The following FOXN3 variants were observed in gnomAD, a reference collection of about 807,000 sequenced individuals.
The protein encoded by FOXN3 is forkhead box protein N3.
A neutral mutation model predicts 38.4 loss-of-function variants in FOXN3; 7 were observed. That is an observed-to-expected ratio of 0.18 (90% CI 0.10 to 0.34). FOXN3 has a LOEUF of 0.34. Among genes scored for constraint, FOXN3 ranks in the 10% least tolerant of loss-of-function variants. The pLI is 1.00. For synonymous variants in FOXN3, 230 were observed against 242.2 expected (o/e 0.95, Z 0.47); for missense variants, 456 against 613.4 (o/e 0.74, Z 2.71).
intron 1 of FOXN3, among the ~76,000 whole-genome samples, chr14:89,505,281 C>T (rs1257563537): frequency 1.4e-5 from 2 of 141,668 alleles, no homozygotes; most frequent in South Asian, 2.2e-4. Context: ...CTTCTCCCTC[C>T]CCCTCCCCCT....
At chr14:89,557,530 C>T (rs1367672488) in intron 1 of FOXN3, among the ~76,000 whole-genome samples, 1 of 152,144 alleles carries the variant, frequency 6.6e-6, no homozygotes, top group African/African-American at 2.4e-5. Context: ...CAGGAGCTGG[C>T]CCATATCCTG....
At chr14:89,294,832 GCCC>G (rs1886986487) in intron 3 of FOXN3, among the ~76,000 whole-genome samples, 2 of 152,192 alleles carry the variant, frequency 1.3e-5, no homozygotes, top group Admixed American at 1.3e-4. Flanking sequence ...GCAGCCAGCA[GCCC>G]TCCGGACTGC....
At chr14:89,516,180 G>A (rs1479204428) in intron 1 of FOXN3, among the ~76,000 whole-genome samples, 1 of 152,178 alleles carries the variant, frequency 6.6e-6, no homozygotes, top group Non-Finnish European at 1.5e-5. Flanking sequence ...TTTTATTTGT[G>A]CGCAGATACT....
At chr14:89,552,625 G>A (rs771033178) in intron 1 of FOXN3, among the ~76,000 whole-genome samples, 5 of 152,160 alleles carry the variant, frequency 3.3e-5, no homozygotes, top group Non-Finnish European at 7.4e-5. Flanking sequence ...TTGGGAGGCC[G>A]AGGCAGGCAG....
intron 1 of FOXN3, among the ~76,000 whole-genome samples, chr14:89,415,620 A>C (rs1891676008): frequency 6.6e-6 from 1 of 150,408 alleles, no homozygotes; most frequent in African/African-American, 2.5e-5. Context: ...AAAAAAAAAA[A>C]AAAAAAAAAA....
intron 2 of FOXN3, among the ~76,000 whole-genome samples, chr14:89,382,446 T>G (rs538613829): frequency 7.9e-5 from 12 of 152,186 alleles, no homozygotes; most frequent in Non-Finnish European, 1.3e-4. Context: ...TTCCTATCTT[T>G]CTGGCCTTCT....
intron 4 of FOXN3, among the ~76,000 whole-genome samples, chr14:89,226,221 G>A (rs1355194494): frequency 2.0e-5 from 3 of 151,422 alleles, no homozygotes; most frequent in Admixed American, 2.0e-4. Context: ...AGGAGAGGGA[G>A]AGGTAGAGAG....
intron 1 of FOXN3, among the ~76,000 whole-genome samples, chr14:89,425,474 T>G (rs527895447): frequency 6.6e-6 from 1 of 152,002 alleles, no homozygotes; most frequent in East Asian, 1.9e-4. Flanking sequence ...TTCAAGTGAT[T>G]CTCCTGCCTC....
chr14:89,329,578 C>A (rs1888176723), intron 3 of FOXN3, among the ~76,000 whole-genome samples: 1 of 152,140 alleles, frequency 6.6e-6, no homozygotes, highest in Non-Finnish European at 1.5e-5. Context: ...CTGGCCCCTG[C>A]CGGACGCGGT....
At position 89,604,206 on chromosome 14, in the gene FOXN3, AACACACACACACAC is replaced by A. The variant is rs58288291; in HGVS notation, c.-15+14808_-15+14821del. ...AGTTTCCAAAAACAAAGCAAAACAA[AACACACACACACAC>A]ACACACACACACACACACACGTGCG... On this transcript the variant is annotated intron_variant, in intron 1 of 6. Coordinates refer to the FOXN3 transcript ENST00000345097. 3.3e-3 allele frequency among the ~76,000 whole-genome samples: 486 copies of A among 146,890 alleles called. 3 individuals are homozygous for A. Among genetic ancestry groups the A allele is most frequent in the African/African-American group, 0.011 (448 of 39,790 alleles).
At chr14:89,224,999 C>A (rs1163682637) in intron 4 of FOXN3, among the ~76,000 whole-genome samples, 3 of 151,562 alleles carry the variant, frequency 2.0e-5, no homozygotes, top group Non-Finnish European at 4.4e-5. Context: ...TGTGGTGGTG[C>A]GTGCCTATAA....
At chr14:89,296,276 A>T (rs984119431) in intron 3 of FOXN3, among the ~76,000 whole-genome samples, 6 of 152,222 alleles carry the variant, frequency 3.9e-5, no homozygotes, top group African/African-American at 1.4e-4. Flanking sequence ...TTTGTGCTAC[A>T]CAGTTTCTAA....
At chr14:89,356,409 A>T (rs1351579837) in intron 2 of FOXN3, 4 of 151,868 alleles carry the variant, frequency 2.6e-5, no homozygotes, top group African/African-American at 9.7e-5. Flanking sequence ...AAAAATATAT[A>T]ATAATAATAA....
chr14:89,270,923 G>C (rs1886134650), intron 4 of FOXN3, among the ~76,000 whole-genome samples: 1 of 152,152 alleles, frequency 6.6e-6, no homozygotes, highest in Non-Finnish European at 1.5e-5. Flanking sequence ...AGGCCAACAG[G>C]GGACCTGGGG....
chr14:89,598,064 T>C (rs1196802040), intron 1 of FOXN3, among the ~76,000 whole-genome samples: 1 of 152,168 alleles, frequency 6.6e-6, no homozygotes, highest in East Asian at 1.9e-4. Context: ...ATTTATACAT[T>C]CTGTCATCAT....
chr14:89,245,089 G>C (rs1885251793), intron 4 of FOXN3, among the ~76,000 whole-genome samples: 1 of 152,206 alleles, frequency 6.6e-6, no homozygotes, highest in Admixed American at 6.5e-5. Context: ...AGATGAGAAA[G>C]TGAAGCTTCA....
chr14:89,554,771 T>C (rs1483796517), intron 1 of FOXN3, among the ~76,000 whole-genome samples: 1 of 145,200 alleles, frequency 6.9e-6, no homozygotes, highest in Non-Finnish European at 1.5e-5. Context: ...TCTATGTAAA[T>C]ACTAGCATTT....
At chr14:89,297,000 G>T (rs1887058786) in intron 3 of FOXN3, among the ~76,000 whole-genome samples, 1 of 152,206 alleles carries the variant, frequency 6.6e-6, no homozygotes, top group Non-Finnish European at 1.5e-5. Context: ...TGGGCCTGCT[G>T]TGCTAGTGTG....
rs1891574225 is a variant in FOXN3, at chr14:89,412,674, C to G, written c.-14-184G>C. Among the ~76,000 whole-genome samples, 1 of 152,126 alleles carries G rather than the reference C, an allele frequency of 6.6e-6. No homozygotes were observed. Among genetic ancestry groups the G allele is most frequent in the African/African-American group, 2.4e-5 (1 of 41,418 alleles). On this transcript the variant is annotated intron_variant, in intron 1 of 5. Transcript: ENST00000557258. This position sits in a 1 kb window ranked among gnomAD's most constrained non-coding sequence, Gnocchi z 4.7. ...CACAATTCCACCACAGAGAGATAGG[C>G]TGATGAGAAAAATCAGCCCGCCATT...
Sources: gnomAD v4.1 joint callset for allele counts (sites outside exome capture counted in the v4.1 genomes callset) on GRCh38, gnomAD v4.1.1 for gene constraint, Gnocchi (gnomAD v3.1) non-coding constraint, MANE v1.5 for transcripts, NCBI Gene and HGNC (gene_info 2026-07-23, HGNC 2026-07-21) for gene names.